The following CDKL5 variants were observed in gnomAD, a reference collection of about 807,000 sequenced individuals.
CDKL5 encodes the protein cyclin-dependent kinase-like 5.
In CDKL5, 8 loss-of-function variants were observed where a neutral mutation model predicts 61.7. That is an observed-to-expected ratio of 0.13 (90% CI 0.08 to 0.23). The LOEUF is 0.23. Ranked by LOEUF, CDKL5 falls within the 10% of genes least tolerant of loss-of-function variation. The pLI, the probability that CDKL5 is intolerant of heterozygous loss-of-function variation, is 1.00. For missense variants in CDKL5, 440 were observed against 734.5 expected (o/e 0.60, Z 4.63); for synonymous variants, 275 against 272.3 (o/e 1.01, Z -0.10).
chrX:18,651,248 TGTGTGTGTGTGTGTGTGA>T (rs1387339675), intron 21 of CDKL5, among the ~76,000 whole-genome samples: 10 of 98,011 alleles, frequency 1.0e-4, no homozygotes. Flanking sequence ...TGTGTGTGTG[TGTGTGTGTGTGTGTGTGA>T]GAGAGAGAGA....
rs1927212744 is a variant in CDKL5, at chrX:18,630,841, T to G, written c.*2084T>G. ...TGTTTGGGTAGCTCTGAATTCTGGC[T>G]TTTCCAGGCAGCTGCTTGATGATAC... On this transcript the variant is annotated 3_prime_UTR_variant, in exon 18 of 18. Coordinates refer to ENST00000623535, the MANE Select transcript of CDKL5 (RefSeq NM_001323289.2). 1.3e-6 allele frequency: 1 copy of G among 747,675 alleles called. No individual in the cohort carries two copies. Among genetic ancestry groups the G allele is most frequent in the Non-Finnish European group, 1.6e-6 (1 of 637,939 alleles). 61.6% of individuals were successfully genotyped at this position (747,675 alleles called of 1,213,427 possible).
intron 5 of CDKL5, among the ~76,000 whole-genome samples, chrX:18,578,215 T>C (rs983984178): frequency 3.5e-5 from 4 of 112,808 alleles, no homozygotes; most frequent in Non-Finnish European, 5.6e-5. Flanking sequence ...GCAATAAGTT[T>C]AGTGGCTTTT....
At chrX:18,599,052 T>A (rs767897716) in intron 11 of CDKL5, among the ~76,000 whole-genome samples, 87 of 112,750 alleles carry the variant, frequency 7.7e-4, no homozygotes, top group Non-Finnish European at 1.4e-3. Context: ...TAGGTCTGGC[T>A]CTACAGAGAG....
At chrX:18,564,034 T>G (rs776456749) in intron 3 of CDKL5, among the ~76,000 whole-genome samples, 1 of 111,714 alleles carries the variant, frequency 9.0e-6, no homozygotes, top group Admixed American at 9.6e-5. Flanking sequence ...TGGTGAAAAT[T>G]AGATATGCTT....
intron 3 of CDKL5, among the ~76,000 whole-genome samples, chrX:18,521,733 C>T (rs1474454885): frequency 8.9e-6 from 1 of 111,973 alleles, no homozygotes; most frequent in African/African-American, 3.2e-5. Context: ...AGATAGAGGT[C>T]TAACTTCATT....
At chrX:18,431,752 T>C (rs747002848) in intron 1 of CDKL5, among the ~76,000 whole-genome samples, 55 of 111,387 alleles carry the variant, frequency 4.9e-4, no homozygotes, top group Non-Finnish European at 9.4e-4. Flanking sequence ...TTACATACCA[T>C]AAAACTCACC....
intron 1 of CDKL5, among the ~76,000 whole-genome samples, chrX:18,494,437 T>C (rs1380980374): frequency 9.0e-6 from 1 of 111,327 alleles, no homozygotes. Flanking sequence ...CTTTTTTTTT[T>C]AGTAGAGATG....
chrX:18,587,826 CA>C (rs1237316274), intron 8 of CDKL5, 127 bp from the exon 9 acceptor site: 11 of 625,353 alleles, frequency 1.8e-5, no homozygotes, highest in Non-Finnish European at 2.8e-5. Flanking sequence ...GCCTTCTTTT[CA>C]CATGGAACTT....
In CDKL5 at chrX:18,639,936, T is replaced by C. The variant is rs1927504932; in HGVS notation, c.*11179T>C. On this transcript the variant is annotated 3_prime_UTR_variant, in exon 18 of 18. Coordinates refer to ENST00000623535, the MANE Select transcript of CDKL5 (RefSeq NM_001323289.2). ...ACCACATACTATATGATTTCATTTA[T>C]GTAGAACGTCCAGAAGGCCAATCTA... 8.9e-6 allele frequency: 1 copy of C among 112,073 alleles called. No individual in the cohort carries two copies. The highest frequency in any genetic ancestry group is 3.7e-4 in the South Asian group (1 of 2,693). 9.2% of individuals were successfully genotyped at this position (112,073 alleles called of 1,213,427 possible). A position where few individuals can be genotyped will look rare whatever the true frequency, so the allele number is the denominator to read the frequency against.
chrX:18,555,587 A>C (rs779655336), intron 3 of CDKL5, among the ~76,000 whole-genome samples: 1 of 111,408 alleles, frequency 9.0e-6, no homozygotes, highest in South Asian at 3.7e-4. Context: ...TCAACTGTTA[A>C]ATCTGAAGGG....
chrX:18,514,760 C>T (rs1289853295), intron 3 of CDKL5, among the ~76,000 whole-genome samples: 1 of 109,141 alleles, frequency 9.2e-6, no homozygotes, highest in Non-Finnish European at 1.9e-5. Flanking sequence ...TGCAGATATG[C>T]ATAGTTAATT....
Position 18,633,665 on chromosome X carries a change from A to T in CDKL5, c.*4908A>T, listed in dbSNP as rs932695952. On this transcript the variant is annotated 3_prime_UTR_variant, in exon 18 of 18. Coordinates refer to ENST00000623535, the MANE Select transcript of CDKL5 (RefSeq NM_001323289.2). ...GCAATGTGGGAGAAGTGGGGTGGCT[A>T]GGAAACTCTGGGCCTGCTGCCCCCT... 14 of 753,133 alleles carry T rather than the reference A, an allele frequency of 1.9e-5. No individual in the cohort carries two copies. Among genetic ancestry groups the T allele is most frequent in the Non-Finnish European group, 2.2e-5 (14 of 639,163 alleles). The allele number at this position is 753,133 out of a possible 1,213,427, so 62.1% of individuals were successfully genotyped here.
intron 3 of CDKL5, among the ~76,000 whole-genome samples, chrX:18,550,260 G>A (rs903330098): frequency 3.6e-5 from 4 of 111,511 alleles, no homozygotes; most frequent in African/African-American, 1.3e-4. Flanking sequence ...CCAGTGTCTG[G>A]GGTCCACGCG....
chrX:18,450,732 G>A (rs994709812), intron 1 of CDKL5, among the ~76,000 whole-genome samples: 6 of 110,589 alleles, frequency 5.4e-5, no homozygotes, highest in African/African-American at 1.6e-4. Context: ...CCGCCACCAC[G>A]CCCGGTGTTT....
intron 1 of CDKL5, among the ~76,000 whole-genome samples, chrX:18,445,119 C>A (rs1351530782): frequency 1.9e-5 from 2 of 103,835 alleles, no homozygotes; most frequent in Non-Finnish European, 3.9e-5. Context: ...GCTCTGTTGC[C>A]TAGGCTGGAG....
intron 3 of CDKL5, among the ~76,000 whole-genome samples, chrX:18,528,374 T>C (rs769422663): frequency 4.9e-4 from 54 of 109,850 alleles, no homozygotes; most frequent in African/African-American, 1.6e-3. Flanking sequence ...ATTTTGATGC[T>C]CTCTAGTTTG....
chrX:18,482,853 C>T (rs1426667712), intron 1 of CDKL5, among the ~76,000 whole-genome samples: 1 of 111,695 alleles, frequency 9.0e-6, no homozygotes. Context: ...GAAAAATTTT[C>T]AGTGATATTG....
At chrX:18,476,760 A>T (rs1199418737) in intron 1 of CDKL5, among the ~76,000 whole-genome samples, 1 of 111,829 alleles carries the variant, frequency 8.9e-6, no homozygotes, top group Admixed American at 9.5e-5. Context: ...CGCATAGACA[A>T]CATATAGTTG....
Position 18,630,587 on chromosome X carries a change from C to A in CDKL5, c.*1830C>A. 1 of 749,756 alleles carries A rather than the reference C, an allele frequency of 1.3e-6. No individual in the cohort carries two copies. The highest frequency in any genetic ancestry group is 1.6e-6 in the Non-Finnish European group (1 of 636,070). 61.8% of individuals were successfully genotyped at this position (749,756 alleles called of 1,213,427 possible). ...ATTATAAAGACTAAGGTCCTAGTTTCCCTGAAGCTTAAATTGTGCACATAT... is the reference window on the plus strand; with the variant it reads ...ATTATAAAGACTAAGGTCCTAGTTTACCTGAAGCTTAAATTGTGCACATAT... On this transcript the variant is annotated 3_prime_UTR_variant, in exon 18 of 18. Coordinates refer to ENST00000623535, the MANE Select transcript of CDKL5 (RefSeq NM_001323289.2).
Sources: allele counts gnomAD v4.1 joint callset (sites outside exome capture counted in the v4.1 genomes callset), GRCh38; gene constraint gnomAD v4.1.1; transcripts MANE v1.5; gene names NCBI Gene and HGNC (gene_info 2026-07-23, HGNC 2026-07-21).